Variants in FOXP1 observed in about 807,000 individuals in gnomAD.
FOXP1 encodes the protein forkhead box P1.
In FOXP1, 15 loss-of-function variants were observed where a neutral mutation model predicts 98.2. The observed-to-expected ratio is 0.15, with a 90% CI of 0.10 to 0.24. FOXP1 has a LOEUF of 0.24. FOXP1 is among the 10% of genes least tolerant of loss of function. The probability of loss-of-function intolerance (pLI) is 1.00; values close to 1 mark genes in which losing one functional copy is unlikely to be tolerated. For synonymous variants in FOXP1, 371 were observed against 314.5 expected (o/e 1.18, Z -1.90); for missense variants, 633 against 848.5 (o/e 0.75, Z 3.15).
At chr3:70,969,340 G>A (rs1007392442) in intron 19 of FOXP1, 2 of 152,188 alleles carry the variant, frequency 1.3e-5, no homozygotes, top group East Asian at 1.9e-4. Context: ...TAAAAGAAAC[G>A]CAGAAAGTAG....
At chr3:71,126,904 AAG>A (rs2059245568) in intron 6 of FOXP1, among the ~76,000 whole-genome samples, 1 of 151,828 alleles carries the variant, frequency 6.6e-6, no homozygotes, top group Non-Finnish European at 1.5e-5. Flanking sequence ...AAAAAAAAGA[AAG>A]AAGAAAAAAG....
chr3:71,540,571 G>A (rs1560629566), intron 2 of FOXP1, among the ~76,000 whole-genome samples: 1 of 152,228 alleles, frequency 6.6e-6, no homozygotes, highest in African/African-American at 2.4e-5. Flanking sequence ...ACCATGCTAA[G>A]TGTCTCATGT....
chr3:71,564,645 T>C (rs566109262), intron 2 of FOXP1, among the ~76,000 whole-genome samples: 5 of 152,330 alleles, frequency 3.3e-5, no homozygotes, highest in Non-Finnish European at 2.9e-5. Context: ...CCTTGGCCAG[T>C]GATGCAGGCT....
chr3:71,077,859 T>C (rs2053973579), intron 7 of FOXP1, among the ~76,000 whole-genome samples: 1 of 149,900 alleles, frequency 6.7e-6, no homozygotes, highest in Non-Finnish European at 1.5e-5. Flanking sequence ...TGAGATGGAG[T>C]TTCACTCTTG....
Position 70,956,706 on chromosome 3 carries a change from T to G in FOXP1, c.*2541A>C, listed in dbSNP as rs1446892004. Reference sequence around the variant, plus strand: ...CCCATGACCCTGTCTGGCTACTGCCTGCACATCATGAAGCTGCCTGGAAAA... The same window carrying G: ...CCCATGACCCTGTCTGGCTACTGCCGGCACATCATGAAGCTGCCTGGAAAA... On this transcript the variant is annotated 3_prime_UTR_variant, in exon 21 of 21. Transcript: ENST00000649528. The G allele has an allele frequency of 6.3e-6, 1 of 158,968 alleles. No homozygotes were observed. The highest frequency in any genetic ancestry group is 1.3e-5 in the Non-Finnish European group (1 of 77,068). 9.8% of individuals were successfully genotyped at this position (158,968 alleles called of 1,614,324 possible).
chr3:71,069,386 T>C (rs896271851), intron 7 of FOXP1, among the ~76,000 whole-genome samples: 6 of 152,182 alleles, frequency 3.9e-5, no homozygotes, highest in African/African-American at 7.2e-5. Context: ...AACAAAATCA[T>C]GACAGAAAAG....
chr3:71,259,327 A>T (rs2068901261), intron 5 of FOXP1, among the ~76,000 whole-genome samples: 1 of 152,238 alleles, frequency 6.6e-6, no homozygotes, highest in Non-Finnish European at 1.5e-5. Flanking sequence ...GACCTAGAAA[A>T]TAGTGTCAGC....
At chr3:71,157,768 T>C (rs1486813435) in intron 6 of FOXP1, among the ~76,000 whole-genome samples, 1 of 152,140 alleles carries the variant, frequency 6.6e-6, no homozygotes, top group East Asian at 1.9e-4. Context: ...TCAAGGTGCC[T>C]GTCCTCATGA....
intron 5 of FOXP1, among the ~76,000 whole-genome samples, chr3:71,291,500 G>A (rs1004413343): frequency 6.6e-6 from 1 of 152,026 alleles, no homozygotes; most frequent in Admixed American, 6.6e-5. Flanking sequence ...GGACAGGGGA[G>A]GTCAAGCACA....
At chr3:70,981,923 C>T (rs2038937658) in intron 14 of FOXP1, among the ~76,000 whole-genome samples, 1 of 152,216 alleles carries the variant, frequency 6.6e-6, no homozygotes, top group African/African-American at 2.4e-5. Flanking sequence ...ACACAGGGTG[C>T]TTTGCCACAC....
intron 17 of FOXP1, among the ~76,000 whole-genome samples, chr3:70,973,846 CCCA>C: frequency 8.9e-6 from 1 of 112,196 alleles, no homozygotes; most frequent in African/African-American, 3.3e-5. Context: ...CCCCCCCCCC[CCCA>C]CCCCCCAACA....
At chr3:71,096,011 G>A (rs894331213) in intron 7 of FOXP1, among the ~76,000 whole-genome samples, 1 of 152,132 alleles carries the variant, frequency 6.6e-6, no homozygotes, top group African/African-American at 2.4e-5. Flanking sequence ...CTTAATTCTT[G>A]TATTAGGATA....
chr3:71,245,198 G>C (rs1459414189), intron 5 of FOXP1: 1 of 152,196 alleles, frequency 6.6e-6, no homozygotes, highest in Non-Finnish European at 1.5e-5. Context: ...CCCGGAGGGG[G>C]CCTCTCAACC....
chr3:71,438,452 G>A (rs987650705), intron 3 of FOXP1, among the ~76,000 whole-genome samples: 5 of 152,020 alleles, frequency 3.3e-5, no homozygotes, highest in South Asian at 2.1e-4. Flanking sequence ...CCATTATCTC[G>A]GCTGACTCTC....
At chr3:71,237,087 C>A (rs1374557310) in intron 5 of FOXP1, among the ~76,000 whole-genome samples, 3 of 150,342 alleles carry the variant, frequency 2.0e-5, no homozygotes, top group Admixed American at 2.0e-4. Context: ...CAAAAATTAG[C>A]CAGGCGTGGT....
intron 2 of FOXP1, among the ~76,000 whole-genome samples, chr3:71,520,718 T>C (rs949589030): frequency 2.0e-5 from 3 of 152,236 alleles, no homozygotes; most frequent in African/African-American, 4.8e-5. Flanking sequence ...CTGTCGGTCT[T>C]GTGTCTCCAC....
intron 20 of FOXP1, among the ~76,000 whole-genome samples, chr3:70,965,309 C>G (rs73116395): frequency 0.01 from 1,593 of 152,306 alleles, 18 homozygotes; most frequent in Non-Finnish European, 0.015. Flanking sequence ...GGGCAGCCAT[C>G]GCCCATCACT....
At chr3:71,247,447 G>T (rs1321233287) in intron 5 of FOXP1, among the ~76,000 whole-genome samples, 1 of 152,214 alleles carries the variant, frequency 6.6e-6, no homozygotes, top group Non-Finnish European at 1.5e-5. Context: ...GTGGCTCAGA[G>T]AAGGCCATTT....
In FOXP1 at chr3:71,308,804, T is replaced by TGTGTGG. The variant is rs1553836101; in HGVS notation, c.-72-8925_-72-8924insCCACAC. Among the ~76,000 whole-genome samples, 377 of 128,142 alleles carry TGTGTGG rather than the reference T, an allele frequency of 2.9e-3. 5 individuals carry two copies. The highest frequency in any genetic ancestry group is 9.8e-3 in the African/African-American group (356 of 36,220). 84.1% of individuals were successfully genotyped at this position (128,142 alleles called of 152,430 possible). A position where few individuals can be genotyped will look rare whatever the true frequency, so the allele number is the denominator to read the frequency against. ...GTGTGTGTGTGTGTGTGTGTGTGTGTGTGGGTGAGGGGGGACAGCTCCAAA... is the reference window on the plus strand; with the variant it reads ...GTGTGTGTGTGTGTGTGTGTGTGTGTGTGTGGGTGGGTGAGGGGGGACAGCTCCAAA... On this transcript the variant is annotated intron_variant, in intron 4 of 20. Coordinates refer to ENST00000649528, the MANE Select transcript of FOXP1 (RefSeq NM_001349338.3).
Sources: gnomAD v4.1 joint callset for allele counts (sites outside exome capture counted in the v4.1 genomes callset) on GRCh38, gnomAD v4.1.1 for gene constraint, MANE v1.5 for transcripts, NCBI Gene and HGNC (gene_info 2026-07-23, HGNC 2026-07-21) for gene names.